The following OR1J2 variants were observed in gnomAD, a reference collection of about 807,000 sequenced individuals.
OR1J2 encodes the protein olfactory receptor 1J2.
For synonymous variants in OR1J2, 142 were observed against 99.7 expected, an observed-to-expected ratio of 1.42 and a Z score of -2.52; for missense variants, 304 against 246.1, an observed-to-expected ratio of 1.24 and a Z score of -1.57.
chr9:122,534,661 C>T, the OR1J2 span, among the ~76,000 whole-genome samples: 125 of 151,522 alleles, frequency 8.2e-4, no homozygotes, highest in African/African-American at 2.9e-3. Context: ...CTCGGCCTGG[C>T]GAGGAGGGGA....
At chr9:122,455,986 A>G in the OR1J2 span, among the ~76,000 whole-genome samples, 1 of 152,250 alleles carries the variant, frequency 6.6e-6, no homozygotes, top group African/African-American at 2.4e-5. Context: ...CACCCAGGTT[A>G]AAAATCAATT....
chr9:122,487,844 A>C, the OR1J2 span, among the ~76,000 whole-genome samples: 1 of 152,210 alleles, frequency 6.6e-6, no homozygotes, highest in African/African-American at 2.4e-5. Flanking sequence ...GTCAACTCCT[A>C]TGGGAATATA....
the OR1J2 span, chr9:122,526,618 C>A: frequency 1.2e-5 from 19 of 1,614,022 alleles, no homozygotes; most frequent in Non-Finnish European, 1.6e-5. Flanking sequence ...CGGGTTCGGA[C>A]CCTCAGGATA....
the OR1J2 span, among the ~76,000 whole-genome samples, chr9:122,551,886 A>G: frequency 3.3e-5 from 5 of 152,160 alleles, no homozygotes; most frequent in South Asian, 4.1e-4. Flanking sequence ...TCTGGACTCA[A>G]TAGACCCCGA....
At chr9:122,502,200 T>C in the OR1J2 span, among the ~76,000 whole-genome samples, 1 of 152,226 alleles carries the variant, frequency 6.6e-6, no homozygotes, top group Non-Finnish European at 1.5e-5. Context: ...TAAATAGTTA[T>C]GAGTGGGGAG....
At position 122,511,356 on chromosome 9, in the gene OR1J2, C is replaced by G. The variant is rs145791678; in HGVS notation, c.555C>G (p.Leu185=). 6.0e-5 allele frequency: 44 copies of G among 733,306 alleles called. No homozygotes were observed. The highest frequency in any genetic ancestry group is 1.1e-4 in the Non-Finnish European group (43 of 394,920). 45.4% of individuals were successfully genotyped at this position (733,306 alleles called of 1,614,324 possible). The part of the protein sequence containing the change: ...PHVFCDLAAL[L]KLSCSDIFLN... The stretch of plus-strand genomic sequence containing the variant: ...TCTTCTGTGACCTTGCTGCCCTGCT[C>G]AAGCTGTCCTGCTCAGATATCTTCC... Residue 185 remains leucine, a synonymous_variant, in exon 1 of 1, where the codon CTC becomes CTG. Coordinates refer to ENST00000335302, the MANE Select transcript of OR1J2 (RefSeq NM_054107.1).
chr9:122,489,300 C>T, the OR1J2 span, among the ~76,000 whole-genome samples: 184 of 150,568 alleles, frequency 1.2e-3, 1 homozygote, highest in Non-Finnish European at 2.3e-3. Flanking sequence ...TATATATTTA[C>T]ACTCGCCAGA....
At chr9:122,530,080 A>AT in the OR1J2 span, among the ~76,000 whole-genome samples, 1 of 152,220 alleles carries the variant, frequency 6.6e-6, no homozygotes, top group Admixed American at 6.5e-5. Flanking sequence ...TTAAAAATAT[A>AT]TTTAAGGGGG....
chr9:122,503,506 G>A, the OR1J2 span, among the ~76,000 whole-genome samples: 2 of 152,180 alleles, frequency 1.3e-5, no homozygotes, highest in African/African-American at 4.8e-5. Context: ...TGGATCCATT[G>A]TACACCACAT....
At chr9:122,577,894 A>G in the OR1J2 span, among the ~76,000 whole-genome samples, 2 of 152,204 alleles carry the variant, frequency 1.3e-5, no homozygotes, top group African/African-American at 4.8e-5. Flanking sequence ...TTTGTTTGGC[A>G]TAGAAATTCA....
chr9:122,492,217 G>A, the OR1J2 span, among the ~76,000 whole-genome samples: 1 of 151,964 alleles, frequency 6.6e-6, no homozygotes, highest in Non-Finnish European at 1.5e-5. Flanking sequence ...ACTACCCAAT[G>A]TTTAGCTCTC....
chr9:122,465,230 A>G, the OR1J2 span, among the ~76,000 whole-genome samples: 2 of 152,172 alleles, frequency 1.3e-5, no homozygotes, highest in Non-Finnish European at 2.9e-5. Flanking sequence ...AAACTTGCTC[A>G]TGGGACAGGC....
the OR1J2 span, among the ~76,000 whole-genome samples, chr9:122,458,002 C>T: frequency 3.0e-4 from 45 of 152,070 alleles, no homozygotes; most frequent in African/African-American, 1.1e-3. Context: ...TCATTTTTTG[C>T]TGTGTTTAAT....
chr9:122,564,247 G>A, the OR1J2 span, among the ~76,000 whole-genome samples: 3 of 152,120 alleles, frequency 2.0e-5, no homozygotes, highest in Admixed American at 6.5e-5. Flanking sequence ...GTGTCCACTC[G>A]ATCCCAAAAC....
chr9:122,481,040 C>T, the OR1J2 span, among the ~76,000 whole-genome samples: 10 of 152,146 alleles, frequency 6.6e-5, no homozygotes, highest in Admixed American at 2.0e-4. Context: ...GTGATCTGCC[C>T]GCCTCGGCCT....
chr9:122,508,697 G>A (rs1478237771), upstream of OR1J2, among the ~76,000 whole-genome samples: 1 of 152,116 alleles, frequency 6.6e-6, no homozygotes, highest in East Asian at 1.9e-4. Flanking sequence ...GTTGCATTCT[G>A]GTCCCTAGAT....
At chr9:122,510,239 GGTT>G (rs1564182915), upstream of OR1J2, among the ~76,000 whole-genome samples, 1 of 152,114 alleles carries the variant, frequency 6.6e-6, no homozygotes, top group Non-Finnish European at 1.5e-5. Context: ...ATCTTCTAAT[GGTT>G]GCTGTACCAT....
the OR1J2 span, among the ~76,000 whole-genome samples, chr9:122,481,940 A>G: frequency 6.6e-6 from 1 of 152,310 alleles, no homozygotes; most frequent in Middle Eastern, 3.4e-3. Flanking sequence ...ATGCTTCATG[A>G]CATTAATTTA....
At chr9:122,481,696 C>T in the OR1J2 span, among the ~76,000 whole-genome samples, 1 of 152,080 alleles carries the variant, frequency 6.6e-6, no homozygotes, top group Non-Finnish European at 1.5e-5. Flanking sequence ...CATGAAGACA[C>T]CATGAATTGG....
Sources: allele counts gnomAD v4.1 joint callset (sites outside exome capture counted in the v4.1 genomes callset), GRCh38; gene constraint gnomAD v4.1.1; transcripts MANE v1.5; gene names NCBI Gene and HGNC (gene_info 2026-07-23, HGNC 2026-07-21).